AFG2B: variants seen among roughly 807,000 people sequenced by gnomAD.
AFG2B encodes the protein AAA ATPase AFG2B.
the AFG2B span, chr15:45,402,603 CT>C: frequency 1.3e-6 from 2 of 1,573,936 alleles, no homozygotes; most frequent in East Asian, 4.7e-5. Context: ...GCTCCTGCCT[CT>C]GCACTGCCTG....
At chr15:45,407,177 TG>T in the AFG2B span, 3 of 1,270,262 alleles carry the variant, frequency 2.4e-6, no homozygotes, top group South Asian at 3.8e-5. Flanking sequence ...CCAGGGGAAG[TG>T]GAAGGAAGAA....
At chr15:45,405,337 C>T in the AFG2B span, 1 of 1,613,922 alleles carries the variant, frequency 6.2e-7, no homozygotes, top group African/African-American at 1.3e-5. Flanking sequence ...TTGGGACTCC[C>T]ACACTTAAAC....
At chr15:45,414,189 G>A in the AFG2B span, among the ~76,000 whole-genome samples, 7 of 152,276 alleles carry the variant, frequency 4.6e-5, no homozygotes, top group East Asian at 1.9e-4. Context: ...TGACACCTGC[G>A]CTGAGACCTG....
chr15:45,420,900 G>A, the AFG2B span: 2 of 729,238 alleles, frequency 2.7e-6, no homozygotes, highest in South Asian at 1.9e-5. Context: ...GCTGAGGCAG[G>A]AGAATTGCTT....
the AFG2B span, among the ~76,000 whole-genome samples, chr15:45,409,698 A>T: frequency 6.7e-5 from 10 of 149,802 alleles, no homozygotes; most frequent in Non-Finnish European, 1.2e-4. Flanking sequence ...GCATCTCTAC[A>T]AAAAAAAAAT....
At chr15:45,405,700 T>G in the AFG2B span, among the ~76,000 whole-genome samples, 3 of 152,210 alleles carry the variant, frequency 2.0e-5, no homozygotes, top group African/African-American at 7.2e-5. Flanking sequence ...CTGAGTCCTC[T>G]GGGTCTACTG....
the AFG2B span, chr15:45,402,564 G>T: frequency 1.9e-6 from 3 of 1,582,738 alleles, no homozygotes; most frequent in Admixed American, 1.8e-5. Flanking sequence ...GCTTGGGCTC[G>T]GCAGTGAAGA....
chr15:45,414,654 C>T, the AFG2B span: 5 of 1,614,154 alleles, frequency 3.1e-6, no homozygotes, highest in African/African-American at 2.7e-5. Context: ...TCTATGGGCC[C>T]CCTGGATGTG....
the AFG2B span, chr15:45,421,037 T>G: frequency 4.5e-5 from 72 of 1,607,018 alleles, no homozygotes; most frequent in Non-Finnish European, 6.1e-5. Flanking sequence ...GCTTGTCTCT[T>G]AATAGGCTGC....
At chr15:45,421,154 G>C in the AFG2B span, 3 of 1,610,696 alleles carry the variant, frequency 1.9e-6, no homozygotes, top group Non-Finnish European at 2.5e-6. Flanking sequence ...CAAGGACTTG[G>C]CTTTATATGA....
At chr15:45,402,930 C>T in the AFG2B span, 3 of 1,598,034 alleles carry the variant, frequency 1.9e-6, no homozygotes, top group Non-Finnish European at 2.5e-6. Context: ...ACATCGTCGG[C>T]GGGACGCCCA....
chr15:45,414,927 G>A, the AFG2B span: 1 of 683,492 alleles, frequency 1.5e-6, no homozygotes, highest in Non-Finnish European at 2.4e-6. Context: ...ATAGGAAAGT[G>A]TAAATATGAA....
the AFG2B span, among the ~76,000 whole-genome samples, chr15:45,416,571 G>A: frequency 1.3e-5 from 2 of 152,146 alleles, no homozygotes; most frequent in Admixed American, 1.3e-4. Flanking sequence ...TATCCACGAG[G>A]TTATCTAATC....
the AFG2B span, among the ~76,000 whole-genome samples, chr15:45,408,365 TTCTC>T: frequency 6.6e-6 from 1 of 151,934 alleles, no homozygotes; most frequent in Admixed American, 6.6e-5. Context: ...CCTCTTCTCT[TTCTC>T]TCTCTCTCTG....
chr15:45,410,732 C>T, the AFG2B span, among the ~76,000 whole-genome samples: 1 of 152,070 alleles, frequency 6.6e-6, no homozygotes, highest in South Asian at 2.1e-4. Flanking sequence ...TTTCCCACCT[C>T]GACCCTCTCT....
the AFG2B span, among the ~76,000 whole-genome samples, chr15:45,413,977 G>A: frequency 6.6e-6 from 1 of 152,160 alleles, no homozygotes; most frequent in Non-Finnish European, 1.5e-5. Flanking sequence ...CCTCCTTTGG[G>A]TAGGTGTCAT....
chr15:45,416,373 A>C, the AFG2B span, among the ~76,000 whole-genome samples: 1 of 152,260 alleles, frequency 6.6e-6, no homozygotes, highest in Non-Finnish European at 1.5e-5. Context: ...TTAATGAATT[A>C]AAATGGCCTT....
the AFG2B span, among the ~76,000 whole-genome samples, chr15:45,406,100 A>G: frequency 2.6e-5 from 4 of 152,212 alleles, no homozygotes; most frequent in African/African-American, 7.2e-5. Context: ...TAACGCAGAC[A>G]TAATACTTGT....
At chr15:45,419,416 C>G in the AFG2B span, among the ~76,000 whole-genome samples, 2 of 151,364 alleles carry the variant, frequency 1.3e-5, no homozygotes, top group Admixed American at 6.6e-5. Context: ...AAGATGAGAT[C>G]GTGCCGCTGC....
Sources: allele counts gnomAD v4.1 joint callset (sites outside exome capture counted in the v4.1 genomes callset), GRCh38; gene constraint gnomAD v4.1.1; transcripts MANE v1.5; gene names NCBI Gene and HGNC (gene_info 2026-07-23, HGNC 2026-07-21).